SIK3: variants seen among roughly 807,000 people sequenced by gnomAD.
SIK3 encodes serine/threonine-protein kinase SIK3.
In SIK3, 28 loss-of-function variants were observed where a neutral mutation model predicts 144.2. The ratio of observed to expected loss-of-function variants is 0.19; its 90% CI spans 0.14 to 0.27. The LOEUF is 0.27. Among genes scored for constraint, SIK3 ranks in the 10% least tolerant of loss-of-function variants. The pLI is 1.00. For missense variants in SIK3, 1,319 were observed against 1,776.0 expected (o/e 0.74, Z 4.62); for synonymous variants, 686 against 676.3 (o/e 1.01, Z -0.22).
chr11:116,868,097 A>C lies in SIK3; in HGVS notation c.1809-8T>G. On this transcript the variant is annotated splice_polypyrimidine_tract_variant and splice_region_variant and intron_variant, in intron 14 of 24. Transcript: ENST00000445177. Reference sequence around the variant, plus strand: ...GACCTATTTGCCAAGTACCTGCAACAAGCAGGAGCACATTTCATAGTAAAA... The same window carrying C: ...GACCTATTTGCCAAGTACCTGCAACCAGCAGGAGCACATTTCATAGTAAAA... The C allele has an allele frequency of 6.4e-7, 1 of 1,550,610 alleles. No homozygotes were observed. Among genetic ancestry groups the C allele is most frequent in the Non-Finnish European group, 8.7e-7 (1 of 1,146,964 alleles).
chr11:117,087,434 C>T (rs1955065082), intron 1 of SIK3, among the ~76,000 whole-genome samples: 1 of 150,074 alleles, frequency 6.7e-6, no homozygotes, highest in African/African-American at 2.5e-5. Context: ...CAGAGCAAGA[C>T]TCTGCCTCAA....
At chr11:116,947,651 C>T (rs555488363) in intron 3 of SIK3, among the ~76,000 whole-genome samples, 10 of 150,670 alleles carry the variant, frequency 6.6e-5, no homozygotes, top group Middle Eastern at 6.8e-3. Context: ...CTGCAAGTTC[C>T]GCCTCCCAGG....
At chr11:116,931,558 G>C (rs376208852) in intron 3 of SIK3, among the ~76,000 whole-genome samples, 2 of 152,278 alleles carry the variant, frequency 1.3e-5, no homozygotes. Context: ...CCTGACAGCA[G>C]GACAAGCAAT....
rs1445607994 is a variant in SIK3 at position 117,025,098 on chromosome 11, A to G, written c.274-68034T>C. ...ACATGCAGTAGTTTCTCAACTGTCA[A>G]TGAGCAACTACTACCTCACTCAGTG... On this transcript the variant is annotated intron_variant, in intron 1 of 24. Coordinates refer to ENST00000445177, the MANE Select transcript of SIK3 (RefSeq NM_001366686.3). Among the ~76,000 whole-genome samples the G allele has an allele frequency of 2.6e-5, 4 of 152,328 alleles. No individual in the cohort carries two copies. The East Asian group carries it at 7.7e-4, about 29-fold the overall frequency.
intron 4 of SIK3, among the ~76,000 whole-genome samples, chr11:116,906,314 G>A (rs1177851846): frequency 6.6e-6 from 1 of 152,150 alleles, no homozygotes; most frequent in East Asian, 1.9e-4. Flanking sequence ...ACAGACTTAA[G>A]GAAAGCAGAA....
In SIK3 at chr11:116,879,910, G is replaced by C. The variant is rs116724830; in HGVS notation, c.866-2868C>G. The stretch of plus-strand genomic sequence containing the variant: ...AATGTCATTGACACATATGTTTATC[G>C]TTTGCAGTTACTTAAGAGGACAAAA... On this transcript the variant is annotated intron_variant, in intron 6 of 24. Transcript: ENST00000445177. 7.0e-3 allele frequency among the ~76,000 whole-genome samples: 1,060 copies of C among 152,282 alleles called. 11 individuals carry two copies. Among genetic ancestry groups the C allele is most frequent in the African/African-American group, 0.024 (985 of 41,554 alleles).
chr11:116,895,352 T>G (rs1451922335), intron 6 of SIK3, among the ~76,000 whole-genome samples: 1 of 152,190 alleles, frequency 6.6e-6, no homozygotes, highest in Admixed American at 6.5e-5. Flanking sequence ...GGGGTTTTCA[T>G]GTAACTTACC....
chr11:117,061,541 G>A (rs1399298709), intron 1 of SIK3, among the ~76,000 whole-genome samples: 1 of 152,136 alleles, frequency 6.6e-6, no homozygotes, highest in East Asian at 1.9e-4. Flanking sequence ...GTTCACAGAT[G>A]TAAAAGCACT....
At chr11:116,878,336 A>C (rs977182823) in intron 6 of SIK3, among the ~76,000 whole-genome samples, 1 of 151,936 alleles carries the variant, frequency 6.6e-6, no homozygotes, top group Admixed American at 6.6e-5. Context: ...CCTCAGAATG[A>C]AATCTAAAGT....
At chr11:116,991,514 G>C (rs1389010288) in intron 1 of SIK3, among the ~76,000 whole-genome samples, 1 of 151,948 alleles carries the variant, frequency 6.6e-6, no homozygotes, top group Non-Finnish European at 1.5e-5. Flanking sequence ...GAGAGAAACA[G>C]GTATAATTTG....
rs571059718 is a variant in SIK3, at chr11:116,847,549, G to A, written c.3879C>T (p.Ala1293=). ...SLVAGKALSS[A]RMSDAVLSQS... is the part of the protein sequence containing the mutation. ...GACTGAGAACTGCATCCGACATCCG[G>A]GCAGAGCTAAGTGCTTTCCCAGCCA... Residue 1293 remains alanine (A), a synonymous_variant, in exon 23 of 25, where the codon GCC becomes GCT. Coordinates refer to ENST00000445177, the MANE Select transcript of SIK3 (RefSeq NM_001366686.3). 2.5e-6 allele frequency: 4 copies of A among 1,614,164 alleles called. No individual in the cohort carries two copies. The African/African-American group carries it at 4.0e-5, about 16-fold the overall frequency.
chr11:116,968,236 G>A (rs1949632495), intron 1 of SIK3, among the ~76,000 whole-genome samples: 1 of 152,218 alleles, frequency 6.6e-6, no homozygotes, highest in African/African-American at 2.4e-5. Context: ...TCCACCTCCT[G>A]GGTTCGGGCA....
rs373723885 is a variant in SIK3, at chr11:117,050,470, G to C, written c.273+47673C>G. Among the ~76,000 whole-genome samples, 37 of 152,060 alleles carry C rather than the reference G, an allele frequency of 2.4e-4. 1 individual carries two copies. In the East Asian group the frequency reaches 7.0e-3, roughly 29 times the overall value. On this transcript the variant is annotated intron_variant, in intron 1 of 24. Transcript: ENST00000445177. The stretch of plus-strand genomic sequence containing the variant: ...GGAGGCAGAGGCGGGCAGATCACTT[G>C]AGGTCAGGAGTTCGAGACCAGCCTG...
intron 1 of SIK3, among the ~76,000 whole-genome samples, chr11:117,012,126 C>A (rs908129775): frequency 1.3e-5 from 2 of 152,014 alleles, no homozygotes; most frequent in Admixed American, 1.3e-4. Context: ...CGCATGTACC[C>A]CCACACCTGG....
intron 1 of SIK3, among the ~76,000 whole-genome samples, chr11:117,057,834 AC>A (rs764654527): frequency 2.3e-4 from 35 of 152,196 alleles, no homozygotes; most frequent in Non-Finnish European, 2.8e-4. Context: ...ACCCACCTAT[AC>A]AACTCATAGG....
At chr11:116,950,791 T>A (rs770391548) in intron 3 of SIK3, among the ~76,000 whole-genome samples, 4,647 of 152,350 alleles carry the variant, frequency 0.031, 92 homozygotes, top group Non-Finnish European at 0.035. Flanking sequence ...CCTGCGTTCT[T>A]GGCTGCAGTA....
At chr11:116,972,805 T>TACACAC (rs373994439) in intron 1 of SIK3, among the ~76,000 whole-genome samples, 1 of 150,820 alleles carries the variant, frequency 6.6e-6, no homozygotes, top group African/African-American at 2.4e-5. Flanking sequence ...CACACACACA[T>TACACAC]ACACACACAC....
At chr11:117,038,448 C>T (rs1282708475) in intron 1 of SIK3, among the ~76,000 whole-genome samples, 1 of 151,722 alleles carries the variant, frequency 6.6e-6, no homozygotes, top group Non-Finnish European at 1.5e-5. Flanking sequence ...CCTCTGCCTC[C>T]CAGGTTCAAG....
intron 4 of SIK3, among the ~76,000 whole-genome samples, chr11:116,918,378 CT>C (rs141594094): frequency 2.8e-4 from 42 of 151,702 alleles, no homozygotes; most frequent in African/African-American, 7.3e-5. Flanking sequence ...TTCTCCTACA[CT>C]TTTTTTTCCA....
Sources: allele counts gnomAD v4.1 joint callset (sites outside exome capture counted in the v4.1 genomes callset), GRCh38; gene constraint gnomAD v4.1.1; transcripts MANE v1.5; gene names NCBI Gene and HGNC (gene_info 2026-07-23, HGNC 2026-07-21).